Variants in MLIP observed in about 807,000 individuals in gnomAD.
MLIP encodes the protein muscular LMNA-interacting protein.
MLIP carries 79 observed loss-of-function variants against 84.8 expected under a neutral mutation model. The ratio of observed to expected loss-of-function variants is 0.93; its 90% confidence interval spans 0.78 to 1.12. The LOEUF is 1.12. Among genes scored for constraint, MLIP ranks in the 50% most tolerant of loss-of-function variants. MLIP has a pLI of 0.00. For synonymous variants in MLIP, 504 were observed against 463.0 expected (o/e 1.09, Z -1.14); for missense variants, 1,257 against 1,160.6 (o/e 1.08, Z -1.21).
intron 12 of MLIP, among the ~76,000 whole-genome samples, chr6:54,251,770 ATATAT>A (rs1449689921): frequency 2.7e-4 from 27 of 99,596 alleles, no homozygotes; most frequent in African/African-American, 1.1e-3. Context: ...TAATATAAAT[ATATAT>A]TATAACATAT....
rs556055743 is a variant in MLIP at position 54,095,995 on chromosome 6, G to A, written c.64-25452G>A. 6.6e-5 allele frequency among the ~76,000 whole-genome samples: 10 copies of A among 152,178 alleles called. No individual in the cohort carries two copies. The East Asian group carries it at 1.9e-3, about 30-fold the overall frequency. ...CTCTAGCAGCATCTAGCAGGTAGGCGATGTATGAAGTAAAGTAAAAAAGGC... is the reference window on the plus strand; with the variant it reads ...CTCTAGCAGCATCTAGCAGGTAGGCAATGTATGAAGTAAAGTAAAAAAGGC... On this transcript the variant is annotated intron_variant, in intron 1 of 12. Coordinates refer to the MLIP transcript ENST00000274897.
chr6:54,163,212 T>TA (rs1774838029), intron 8 of MLIP, among the ~76,000 whole-genome samples: 1 of 152,024 alleles, frequency 6.6e-6, no homozygotes, highest in African/African-American at 2.4e-5. Flanking sequence ...TTATAATTTC[T>TA]AATTCTTGTT....
At chr6:54,261,608 C>T (rs1158643696) in intron 13 of MLIP, 19 of 985,010 alleles carry the variant, frequency 1.9e-5, no homozygotes, top group Non-Finnish European at 2.3e-5. Flanking sequence ...TATAAGCTTT[C>T]TGAGTTTATT....
chr6:54,090,812 G>A (rs1767822275), intron 1 of MLIP, among the ~76,000 whole-genome samples: 1 of 152,030 alleles, frequency 6.6e-6, no homozygotes, highest in Non-Finnish European at 1.5e-5. Flanking sequence ...GTAGTGATTT[G>A]TAATTTTGCT....
At chr6:54,262,610 T>A (rs1783459992) in intron 13 of MLIP, among the ~76,000 whole-genome samples, 1 of 152,026 alleles carries the variant, frequency 6.6e-6, no homozygotes, top group Non-Finnish European at 1.5e-5. Flanking sequence ...CCCTGGAAAC[T>A]GGCAGATGGG....
intron 1 of MLIP, among the ~76,000 whole-genome samples, chr6:54,089,067 G>C (rs776611418): frequency 1.2e-4 from 18 of 152,056 alleles, no homozygotes; most frequent in Non-Finnish European, 2.2e-4. Context: ...AAAATACTTT[G>C]TTCCTATAAC....
chr6:54,196,246 A>G (rs1735821139), intron 10 of MLIP, among the ~76,000 whole-genome samples: 1 of 152,172 alleles, frequency 6.6e-6, no homozygotes, highest in Non-Finnish European at 1.5e-5. Flanking sequence ...TTTGTTACAT[A>G]GGTAAAAATG....
chr6:54,105,421 GA>G (rs911570522), intron 1 of MLIP, among the ~76,000 whole-genome samples: 2 of 151,966 alleles, frequency 1.3e-5, no homozygotes, highest in Admixed American at 6.6e-5. Context: ...TTTTTCATTA[GA>G]AAAAAATAAG....
chr6:54,169,086 A>G (rs940289271), intron 8 of MLIP, among the ~76,000 whole-genome samples: 3 of 151,670 alleles, frequency 2.0e-5, no homozygotes, highest in Non-Finnish European at 4.4e-5. Flanking sequence ...AGTGTGGGAC[A>G]TTTGTAATTG....
intron 11 of MLIP, among the ~76,000 whole-genome samples, chr6:54,213,707 CAAAAAA>C (rs1219772069): frequency 1.2e-4 from 1 of 8,474 alleles, no homozygotes; most frequent in African/African-American, 4.3e-4. Flanking sequence ...GACTTTGTCT[CAAAAAA>C]AAAAAAAAAA....
intron 8 of MLIP, among the ~76,000 whole-genome samples, chr6:54,164,255 G>A (rs913426451): frequency 1.3e-5 from 2 of 151,674 alleles, no homozygotes; most frequent in African/African-American, 4.8e-5. Flanking sequence ...ATTCCCACAT[G>A]GGACTCTCAC....
chr6:54,117,951 A>G (rs764494490), intron 1 of MLIP, among the ~76,000 whole-genome samples: 3 of 133,344 alleles, frequency 2.2e-5, no homozygotes, highest in South Asian at 2.3e-4. Flanking sequence ...TCTCAAAACA[A>G]CAACAACAAC....
At chr6:54,196,185 A>T (rs76156646) in intron 10 of MLIP, among the ~76,000 whole-genome samples, 6,579 of 152,030 alleles carry the variant, frequency 0.043, 298 homozygotes, top group East Asian at 0.25. Flanking sequence ...ACCTTTTTTT[A>T]AAAAAAAGAA....
At chr6:54,254,735 T>C (rs11969853) in intron 12 of MLIP, among the ~76,000 whole-genome samples, 37 of 129,994 alleles carry the variant, frequency 2.8e-4, no homozygotes, top group South Asian at 7.4e-4. Context: ...TCTTTTTTTT[T>C]CTCCCTCCCT....
chr6:54,245,140 T>G (rs895000488), intron 12 of MLIP, among the ~76,000 whole-genome samples: 1 of 152,132 alleles, frequency 6.6e-6, no homozygotes, highest in Admixed American at 6.6e-5. Context: ...ACCACACACA[T>G]CAGCCACCTG....
At chr6:54,259,891 C>CT (rs1258963832) in intron 13 of MLIP, among the ~76,000 whole-genome samples, 1 of 151,808 alleles carries the variant, frequency 6.6e-6, no homozygotes, top group African/African-American at 2.4e-5. Flanking sequence ...TCCCCCAAAC[C>CT]TTTTCTCTGT....
At chr6:54,189,069 A>T (rs1479864531) in intron 9 of MLIP, among the ~76,000 whole-genome samples, 1 of 152,226 alleles carries the variant, frequency 6.6e-6, no homozygotes, top group African/African-American at 2.4e-5. Context: ...GCCTGAAAAA[A>T]CCACAAAAAC....
chr6:54,174,821 C>T (rs1242031715), intron 9 of MLIP, among the ~76,000 whole-genome samples: 1 of 151,694 alleles, frequency 6.6e-6, no homozygotes, highest in Non-Finnish European at 1.5e-5. Flanking sequence ...AAATTTTTGC[C>T]CAGAAGAATG....
intron 9 of MLIP, among the ~76,000 whole-genome samples, chr6:54,187,258 C>A (rs1777488683): frequency 1.3e-5 from 2 of 152,088 alleles, no homozygotes; most frequent in African/African-American, 4.8e-5. Context: ...GGTTTCTAAA[C>A]CAGGGCTTCT....
Sources: gnomAD v4.1 joint callset for allele counts (sites outside exome capture counted in the v4.1 genomes callset) on GRCh38, gnomAD v4.1.1 for gene constraint, MANE v1.5 for transcripts, NCBI Gene and HGNC (gene_info 2026-07-23, HGNC 2026-07-21) for gene names.